The following DDX27 variants were observed in gnomAD, a reference collection of about 807,000 sequenced individuals.
DDX27 encodes probable ATP-dependent RNA helicase DDX27.
In DDX27, 42 loss-of-function variants were observed where a neutral mutation model predicts 99.3. That is an observed-to-expected ratio of 0.42 (90% CI 0.33 to 0.55). DDX27 has a LOEUF of 0.55. Ranked by LOEUF, DDX27 falls within the 20% of genes least tolerant of loss-of-function variation. The pLI is 0.07. For synonymous variants in DDX27, 329 were observed against 353.8 expected, an observed-to-expected ratio of 0.93 and a Z score of 0.79; for missense variants, 798 against 976.8, an observed-to-expected ratio of 0.82 and a Z score of 2.44.
At chr20:49,226,749 A>G (rs2146709298) in intron 7 of DDX27, among the ~76,000 whole-genome samples, 2 of 150,802 alleles carry the variant, frequency 1.3e-5, no homozygotes, top group Middle Eastern at 3.5e-3. Flanking sequence ...CGATTTTCCC[A>G]TCTTGGCCTC....
chr20:49,234,928 C>T lies in DDX27; in HGVS notation c.1274-7C>T. 6.3e-7 allele frequency: 1 copy of T among 1,586,740 alleles called. No homozygotes were observed. Among genetic ancestry groups the T allele is most frequent in the African/African-American group, 1.3e-5 (1 of 74,236 alleles). On this transcript the variant is annotated splice_region_variant and splice_polypyrimidine_tract_variant and intron_variant, in intron 11 of 20. Transcript: ENST00000618172. Reference sequence around the variant, plus strand: ...CAGCTGCCAGCTCAGTCCTCTCTTCCTGCCAGCTTTGTTGACGAGGACCTT... The same window carrying T: ...CAGCTGCCAGCTCAGTCCTCTCTTCTTGCCAGCTTTGTTGACGAGGACCTT...
intron 6 of DDX27, 36 bp from the exon 7 acceptor site, chr20:49,226,394 G>T: frequency 6.4e-7 from 1 of 1,570,912 alleles, no homozygotes; most frequent in Admixed American, 1.7e-5. Flanking sequence ...GACTTCCCCC[G>T]CTCAACCCTG....
At chr20:49,231,901 T>TC (rs1980126652) in intron 9 of DDX27, among the ~76,000 whole-genome samples, 2 of 128,922 alleles carry the variant, frequency 1.6e-5, no homozygotes, top group South Asian at 4.9e-4. Flanking sequence ...TTTTTTTTTT[T>TC]GAGTCAGGGT....
rs564142460 is a variant in DDX27, at chr20:49,233,104, T to C, written c.1032-202T>C. On this transcript the variant is annotated intron_variant, in intron 9 of 20. Coordinates refer to ENST00000618172, the MANE Select transcript of DDX27 (RefSeq NM_017895.8). ...CTGAAATATTTGGGGTAAGGTGTTATAACATCTGTGACTGACTTGCCACAA... is the reference window on the plus strand; with the variant it reads ...CTGAAATATTTGGGGTAAGGTGTTACAACATCTGTGACTGACTTGCCACAA... Among the ~76,000 whole-genome samples, 6 of 152,330 alleles carry C rather than the reference T, an allele frequency of 3.9e-5. No homozygotes were observed. The South Asian group carries it at 1.2e-3, about 32-fold the overall frequency.
At chr20:49,223,872 C>T (rs188657794) in intron 4 of DDX27, among the ~76,000 whole-genome samples, 1 of 152,140 alleles carries the variant, frequency 6.6e-6, no homozygotes, top group African/African-American at 2.4e-5. Flanking sequence ...CAGAATGAGA[C>T]CCTGTCTCAA....
Position 49,236,372 on chromosome 20 carries a change from G to A in DDX27, c.1549G>A (p.Val517Ile). The A allele has an allele frequency of 6.2e-7, 1 of 1,606,576 alleles. No individual in the cohort carries two copies. The highest frequency in any genetic ancestry group is 8.5e-7 in the Non-Finnish European group (1 of 1,176,484). Reference sequence around the variant, plus strand: ...AATGCCTAATACCATCAAACATTATGTCCACCGGGTGGGGCGAACAGCACG... The same window carrying A: ...AATGCCTAATACCATCAAACATTATATCCACCGGGTGGGGCGAACAGCACG... Reference protein sequence around the residue: ...FTMPNTIKHYVHRVGRTARAG... With the variant: ...FTMPNTIKHYIHRVGRTARAG... Residue 517 changes from valine to isoleucine, a missense_variant, in exon 14 of 21, where the codon GTC (valine) becomes ATC (isoleucine). Physicochemically the swap from Val to Ile is conservative, Grantham distance 29 (BLOSUM62 3). This residue lies in a region of DDX27 where 553 missense variants were observed against 727.9 expected (regional missense o/e 0.76). Coordinates refer to ENST00000618172, the MANE Select transcript of DDX27 (RefSeq NM_017895.8). This position sits in a 1 kb window ranked among gnomAD's most constrained non-coding sequence, Gnocchi z 4.1.
intron 1 of DDX27, among the ~76,000 whole-genome samples, chr20:49,220,780 G>T (rs1305607758): frequency 7.3e-6 from 1 of 136,390 alleles, no homozygotes; most frequent in East Asian, 2.5e-4. Context: ...ATGATGCGGG[G>T]GGAATTGTTT....
chr20:49,236,303 C>G lies in DDX27; in HGVS notation c.1510-30C>G, dbSNP rs573055889. ...CCTCTTCGCACCCCCCTTCCCTTGCCAGGCCTGACGTTCATTTTTGACCTT... is the reference window on the plus strand; with the variant it reads ...CCTCTTCGCACCCCCCTTCCCTTGCGAGGCCTGACGTTCATTTTTGACCTT... On this transcript the variant is annotated intron_variant, in intron 13 of 20. Coordinates refer to ENST00000618172, the MANE Select transcript of DDX27 (RefSeq NM_017895.8). This position sits in a 1 kb window ranked among gnomAD's most constrained non-coding sequence, Gnocchi z 4.1. The G allele has an allele frequency of 3.8e-6, 6 of 1,568,802 alleles. No individual in the cohort carries two copies. Among genetic ancestry groups the G allele is most frequent in the African/African-American group, 2.7e-5 (2 of 73,708 alleles).
intron 14 of DDX27, chr20:49,238,711 AC>A: frequency 2.1e-6 from 1 of 482,848 alleles, no homozygotes; most frequent in South Asian, 2.5e-5. Context: ...CAGGTGATCC[AC>A]CTGCCTTGGC....
At chr20:49,242,276 G>C in intron 18 of DDX27, 70 bp downstream of exon 18, 2 of 1,582,416 alleles carry the variant, frequency 1.3e-6, no homozygotes, top group Non-Finnish European at 1.7e-6. Context: ...GGGTCAGGGA[G>C]AAAATCTGAG....
chr20:49,236,557 G>T lies in DDX27; in HGVS notation c.1687+47G>T. 6.6e-7 allele frequency: 1 copy of T among 1,504,042 alleles called. No homozygotes were observed. The allele number at this position is 1,504,042 out of a possible 1,614,324, so 93.2% of individuals were successfully genotyped here. ...AGTGCAGAATGGCTCGGTGGGCGGG[G>T]CAAGGACAGAGTGTAATGGCTGAGA... On this transcript the variant is annotated intron_variant, in intron 14 of 20. Coordinates refer to ENST00000618172, the MANE Select transcript of DDX27 (RefSeq NM_017895.8). The surrounding 1 kb of genome is among the most constrained non-coding windows in gnomAD (Gnocchi z 4.1).
Position 49,223,412 on chromosome 20 carries a change from G to A in DDX27, c.445G>A (p.Glu149Lys), listed in dbSNP as rs1293604018. The change falls in exon 4 of 21, where the codon GAG becomes AAG. Residue 149 changes from glutamate to lysine, a missense_variant. Glu to Lys is a moderately conservative substitution (Grantham distance 56). This residue lies in a region of DDX27 where 245 missense variants were observed against 248.8 expected (regional missense o/e 0.98). Coordinates refer to ENST00000618172, the MANE Select transcript of DDX27 (RefSeq NM_017895.8). ...ASETDYSSAD[E>K]NILTKADTLK... is the part of the protein sequence containing the mutation. ...GGAGACTGACTACTCATCAGCTGAT[G>A]AGAACATCCTCACCAAAGCAGGTAG... 6.2e-7 allele frequency: 1 copy of A among 1,611,108 alleles called. No individual in the cohort carries two copies. The highest frequency in any genetic ancestry group is 8.5e-7 in the Non-Finnish European group (1 of 1,179,250).
chr20:49,223,829 T>A (rs1272114574), intron 4 of DDX27, among the ~76,000 whole-genome samples: 7 of 152,098 alleles, frequency 4.6e-5, no homozygotes, highest in African/African-American at 1.7e-4. Context: ...TGCAGTGAGC[T>A]GAGATTGTCC....
intron 9 of DDX27, chr20:49,231,050 C>T (rs6012624): frequency 0.089 from 13,594 of 152,500 alleles, 750 homozygotes; most frequent in African/African-American, 0.16. Flanking sequence ...CCTGGCCACA[C>T]GCCCCCACTT....
chr20:49,223,177 G>A (rs369902276), intron 3 of DDX27, 91 bp from the exon 4 acceptor site: 44 of 1,438,182 alleles, frequency 3.1e-5, no homozygotes, highest in African/African-American at 1.1e-4. Flanking sequence ...CCCCACAGCC[G>A]TTCATTCAGG....
At chr20:49,235,845 G>A (rs575203307) in intron 12 of DDX27, 188 of 179,466 alleles carry the variant, frequency 1.0e-3, no homozygotes, top group African/African-American at 4.0e-3. Flanking sequence ...CCAGGTTCAC[G>A]CCATTCTCCT....
rs1187841363 is a variant in DDX27, at chr20:49,230,278, C to T, written c.960C>T (p.Ile320=). Reference sequence around the variant, plus strand: ...TCATCGCCACCCCAGGCCGGCTCATCGATCACCTCCACAACTGCCCTTCCT... The same window carrying T: ...TCATCGCCACCCCAGGCCGGCTCATTGATCACCTCCACAACTGCCCTTCCT... ...DILIATPGRL[I]DHLHNCPSFH... Residue 320 remains isoleucine, a synonymous_variant, in exon 9 of 21, where the codon ATC becomes ATT. Transcript: ENST00000618172. 3.7e-6 allele frequency: 6 copies of T among 1,612,968 alleles called. No homozygotes were observed. Among genetic ancestry groups the T allele is most frequent in the East Asian group, 2.2e-5 (1 of 44,888 alleles).
At chr20:49,240,993 C>T (rs982810733) in intron 16 of DDX27, among the ~76,000 whole-genome samples, 26 of 152,086 alleles carry the variant, frequency 1.7e-4, no homozygotes, top group African/African-American at 5.3e-4. Flanking sequence ...GCAGCCTGGG[C>T]GGCAGAATGA....
At position 49,243,595 on chromosome 20, in the gene DDX27, T is replaced by A. The variant is rs141322042; in HGVS notation, c.2205-34T>A. On this transcript the variant is annotated intron_variant, in intron 19 of 20. Transcript: ENST00000618172. ...GAGACAACACCCATTTGTTCAACAG[T>A]TTGCTCATTTCAGCATGTCATCTTC... The A allele has an allele frequency of 1.4e-4, 231 of 1,604,136 alleles. No individual in the cohort carries two copies. In the African/African-American group the frequency reaches 2.9e-3, roughly 20 times the overall value.
Sources: gnomAD v4.1 joint callset for allele counts (sites outside exome capture counted in the v4.1 genomes callset) on GRCh38, gnomAD v4.1.1 for gene constraint, gnomAD v4.1.1 regional missense constraint, Gnocchi (gnomAD v3.1) non-coding constraint, MANE v1.5 for transcripts, NCBI Gene and HGNC (gene_info 2026-07-23, HGNC 2026-07-21) for gene names.